The following PIP5K1C variants were observed in gnomAD, a reference collection of about 807,000 sequenced individuals.
The protein encoded by PIP5K1C is phosphatidylinositol 4-phosphate 5-kinase type-1 gamma.
PIP5K1C carries 45 observed loss-of-function variants against 80.1 expected under a neutral mutation model. That is an observed-to-expected ratio of 0.56 (90% confidence interval 0.44 to 0.72). The LOEUF (loss-of-function observed/expected upper bound fraction) is 0.72, where lower values mean the gene tolerates loss of function less well. Among genes scored for constraint, PIP5K1C ranks in the 30% least tolerant of loss-of-function variants. PIP5K1C has a pLI of 0.00. For missense variants in PIP5K1C, 753 were observed against 954.6 expected, an observed-to-expected ratio of 0.79 and a Z score of 2.78; for synonymous variants, 498 against 420.1, an observed-to-expected ratio of 1.19 and a Z score of -2.27.
chr19:3,678,581 G>C (rs1306796486), intron 1 of PIP5K1C, among the ~76,000 whole-genome samples: 2 of 86,010 alleles, frequency 2.3e-5, no homozygotes, highest in Non-Finnish European at 4.8e-5. Context: ...GAGGGATGGA[G>C]GGATAAAGGG....
At position 3,696,099 on chromosome 19, in the gene PIP5K1C, C is replaced by T. The variant is rs1357337996; in HGVS notation, c.94+4198G>A. ...CTGGTGGCGGTGCTGACTCCCTGCC[C>T]GGCCGCCCTGTGACCACACTACACT... On this transcript the variant is annotated intron_variant, in intron 1 of 17. Coordinates refer to ENST00000335312, the MANE Select transcript of PIP5K1C (RefSeq NM_012398.3). This position sits in a 1 kb window ranked among gnomAD's most constrained non-coding sequence, Gnocchi z 4.1. Among the ~76,000 whole-genome samples, 2 of 152,142 alleles carry T rather than the reference C, an allele frequency of 1.3e-5. No homozygotes were observed. The highest frequency in any genetic ancestry group is 2.4e-5 in the African/African-American group (1 of 41,424).
chr19:3,643,203 C>G (rs773506250), intron 13 of PIP5K1C, 40 bp downstream of exon 13: 1 of 1,609,012 alleles, frequency 6.2e-7, no homozygotes, highest in Non-Finnish European at 8.5e-7. Flanking sequence ...CCACGCACAG[C>G]GGATGCCCCG....
chr19:3,690,477 T>A (rs2035915131), intron 1 of PIP5K1C, among the ~76,000 whole-genome samples: 1 of 142,966 alleles, frequency 7.0e-6, no homozygotes, highest in African/African-American at 2.7e-5. Flanking sequence ...AGCGAGACCC[T>A]GTCTTAAAAA....
intron 1 of PIP5K1C, among the ~76,000 whole-genome samples, chr19:3,672,406 C>G (rs2035236051): frequency 6.6e-6 from 1 of 152,256 alleles, no homozygotes; most frequent in Non-Finnish European, 1.5e-5. Context: ...TGGGGGCTCC[C>G]TCAGGACGGG....
In PIP5K1C at chr19:3,638,873, G is replaced by A. The variant is rs367617528; in HGVS notation, c.1920+11C>T. The A allele has an allele frequency of 1.4e-5, 22 of 1,612,876 alleles. No individual in the cohort carries two copies. Among genetic ancestry groups the A allele is most frequent in the African/African-American group, 6.7e-5 (5 of 74,872 alleles). On this transcript the variant is annotated intron_variant, in intron 16 of 17. Transcript: ENST00000335312. ...GACGAGCCGGCGGCAGGAGGAGCCCGGGGCACTTACAAAGTAGATGTCGGT... is the reference window on the plus strand; with the variant it reads ...GACGAGCCGGCGGCAGGAGGAGCCCAGGGCACTTACAAAGTAGATGTCGGT...
At chr19:3,651,667 G>A (rs184064967) in intron 8 of PIP5K1C, among the ~76,000 whole-genome samples, 159 bp downstream of exon 8, 3 of 152,362 alleles carry the variant, frequency 2.0e-5, no homozygotes, top group African/African-American at 7.2e-5. Flanking sequence ...GCCTGGCTTC[G>A]CTCTGAGGCG....
At chr19:3,700,272 C>A (rs1447648890) in intron 1 of PIP5K1C, 25 bp downstream of exon 1, 2 of 1,206,022 alleles carry the variant, frequency 1.7e-6, no homozygotes, top group Non-Finnish European at 1.0e-6. Context: ...CAGCGGGCCG[C>A]AGCCCCGGGA....
intron 1 of PIP5K1C, among the ~76,000 whole-genome samples, chr19:3,697,493 G>GAGCTGGACCAGGGAGGACCA (rs2036161208): frequency 3.3e-5 from 5 of 151,602 alleles, no homozygotes; most frequent in South Asian, 2.1e-4. Context: ...GGGGAGGACC[G>GAGCTGGACCAGGGAGGACCA]AGCTGGACCA....
intron 2 of PIP5K1C, 103 bp from the exon 3 acceptor site, chr19:3,665,017 G>T: frequency 1.1e-6 from 1 of 946,562 alleles, no homozygotes; most frequent in Non-Finnish European, 1.7e-6. Context: ...GTTGGGCCCA[G>T]CAGGGGTGCA....
intron 5 of PIP5K1C, among the ~76,000 whole-genome samples, chr19:3,659,415 G>C: frequency 6.6e-6 from 1 of 152,260 alleles, no homozygotes; most frequent in South Asian, 2.1e-4. Flanking sequence ...ATCTTATCGG[G>C]TTCTAGGTGA....
chr19:3,643,489 G>T, intron 12 of PIP5K1C, 108 bp from the exon 13 acceptor site: 2 of 1,346,076 alleles, frequency 1.5e-6, no homozygotes, highest in South Asian at 1.3e-5. Flanking sequence ...CCCAGTGCCC[G>T]CCCGCCTCCC....
At chr19:3,698,219 G>A (rs1035190425) in intron 1 of PIP5K1C, among the ~76,000 whole-genome samples, 3 of 152,222 alleles carry the variant, frequency 2.0e-5, no homozygotes, top group Non-Finnish European at 2.9e-5. Context: ...GAAAGGGGTG[G>A]CCAACCGGCA....
At chr19:3,676,179 C>T (rs545602386) in intron 1 of PIP5K1C, among the ~76,000 whole-genome samples, 1 of 152,308 alleles carries the variant, frequency 6.6e-6, no homozygotes, top group Non-Finnish European at 1.5e-5. Context: ...CCATACAGGC[C>T]TGGCATGGTA....
intron 1 of PIP5K1C, among the ~76,000 whole-genome samples, chr19:3,698,079 G>A (rs1244729399): frequency 2.6e-5 from 4 of 152,252 alleles, no homozygotes; most frequent in Non-Finnish European, 4.4e-5. Context: ...GGCCCCTGTC[G>A]GACAAGGCTC....
chr19:3,676,083 G>A (rs541723272), intron 1 of PIP5K1C, among the ~76,000 whole-genome samples: 14 of 152,362 alleles, frequency 9.2e-5, no homozygotes, highest in Admixed American at 3.9e-4. Context: ...GACACATGGG[G>A]AAACCGAGGC....
rs892959086 is a variant in PIP5K1C, at chr19:3,632,958, G to C, written c.*209C>G. ...CCGCTCGGGAGGGTGGGTCTCACAG[G>C]GGCAGGCTGCCGACCGGGGTGCCGG... is the stretch of plus-strand genomic sequence containing the variant. On this transcript the variant is annotated 3_prime_UTR_variant, in exon 18 of 18. Transcript: ENST00000335312. The C allele has an allele frequency of 4.3e-5, 23 of 534,596 alleles. No homozygotes were observed. Among genetic ancestry groups the C allele is most frequent in the African/African-American group, 1.0e-4 (5 of 49,908 alleles). The allele number at this position is 534,596 out of a possible 1,614,324, so 33.1% of individuals were successfully genotyped here.
chr19:3,636,672 G>C (rs1222566268), intron 16 of PIP5K1C: 7 of 985,540 alleles, frequency 7.1e-6, no homozygotes, highest in African/African-American at 1.7e-5. Context: ...AGCAGCCGGG[G>C]AAGTGGTCTC....
At position 3,633,142 on chromosome 19, in the gene PIP5K1C, C is replaced by A; in HGVS notation, c.*25G>T. 1.3e-6 allele frequency: 1 copy of A among 762,000 alleles called. No individual in the cohort carries two copies. 47.2% of individuals were successfully genotyped at this position (762,000 alleles called of 1,614,324 possible). On this transcript the variant is annotated 3_prime_UTR_variant, in exon 18 of 18. Coordinates refer to ENST00000335312, the MANE Select transcript of PIP5K1C (RefSeq NM_012398.3). Reference sequence around the variant, plus strand: ...CAGCCGGAGCAGAAGTGGAGCTCGGCTCTGGGTCGGGGGCTGCATAGAAAT... The same window carrying A: ...CAGCCGGAGCAGAAGTGGAGCTCGGATCTGGGTCGGGGGCTGCATAGAAAT...
chr19:3,654,587 G>A (rs1389232018), intron 6 of PIP5K1C, among the ~76,000 whole-genome samples: 1 of 151,402 alleles, frequency 6.6e-6, no homozygotes, highest in Non-Finnish European at 1.5e-5. Flanking sequence ...AGGCCGAGGC[G>A]GGCGGATCAC....
Sources: gnomAD v4.1 joint callset for allele counts (sites outside exome capture counted in the v4.1 genomes callset) on GRCh38, gnomAD v4.1.1 for gene constraint, Gnocchi (gnomAD v3.1) non-coding constraint, MANE v1.5 for transcripts, NCBI Gene and HGNC (gene_info 2026-07-23, HGNC 2026-07-21) for gene names.